The following VTI1A variants were observed in gnomAD, a reference collection of about 807,000 sequenced individuals.
VTI1A encodes the protein vesicle transport through interaction with t-SNAREs homolog 1A.
Under a neutral mutation model 34.9 loss-of-function variants are expected in VTI1A, and 22 were observed. The observed-to-expected ratio is 0.63, with a 90% CI of 0.45 to 0.90. The LOEUF (loss-of-function observed/expected upper bound fraction) is 0.90. Among genes scored for constraint, VTI1A ranks in the 40% least tolerant of loss-of-function variants. The probability of loss-of-function intolerance (pLI) is 0.00; values close to 1 mark genes in which losing one functional copy is unlikely to be tolerated. For missense variants in VTI1A, 268 were observed against 275.6 expected (o/e 0.97, Z 0.20); for synonymous variants, 87 against 97.3 (o/e 0.89, Z 0.62).
At chr10:112,555,057 G>C (rs1377287549) in intron 5 of VTI1A, among the ~76,000 whole-genome samples, 1 of 152,000 alleles carries the variant, frequency 6.6e-6, no homozygotes, top group Non-Finnish European at 1.5e-5. Context: ...AAAAACAAGA[G>C]TGTATTATGA....
chr10:112,538,191 A>T, intron 4 of VTI1A, 55 bp from the exon 5 acceptor site: 1 of 1,542,614 alleles, frequency 6.5e-7, no homozygotes, highest in East Asian at 2.3e-5. Context: ...TAAGGCAAAA[A>T]AAAGAACATT....
chr10:112,647,591 T>C (rs1227440019), intron 5 of VTI1A, among the ~76,000 whole-genome samples: 1 of 152,200 alleles, frequency 6.6e-6, no homozygotes, highest in African/African-American at 2.4e-5. Context: ...AAGTCAACTA[T>C]GATATGTGTG....
At chr10:112,832,241 G>A in the VTI1A span, 5 of 152,168 alleles carry the variant, frequency 3.3e-5, no homozygotes, top group Admixed American at 2.6e-4. Flanking sequence ...AGCCTTGCAC[G>A]CTGGTAGGTC....
At chr10:112,776,811 G>C (rs1294638956) in intron 7 of VTI1A, among the ~76,000 whole-genome samples, 1 of 151,620 alleles carries the variant, frequency 6.6e-6, no homozygotes, top group East Asian at 1.9e-4. Flanking sequence ...CCGAGTAGCT[G>C]GGACTACAAG....
intron 5 of VTI1A, among the ~76,000 whole-genome samples, chr10:112,560,691 G>T (rs1359486368): frequency 6.6e-6 from 1 of 151,262 alleles, no homozygotes; most frequent in South Asian, 2.1e-4. Flanking sequence ...CTGCCTCCCG[G>T]GTTCAAGTGA....
chr10:112,675,890 T>A (rs1484096304), intron 7 of VTI1A, among the ~76,000 whole-genome samples: 1 of 152,152 alleles, frequency 6.6e-6, no homozygotes, highest in Non-Finnish European at 1.5e-5. Context: ...ATCTCACCTC[T>A]CCGTACCTCA....
chr10:112,778,331 GGA>G (rs1852013138), intron 7 of VTI1A, among the ~76,000 whole-genome samples: 1 of 152,162 alleles, frequency 6.6e-6, no homozygotes, highest in Non-Finnish European at 1.5e-5. Context: ...GAGCACTGGT[GGA>G]AGTTCTTCTG....
the VTI1A span, among the ~76,000 whole-genome samples, chr10:112,830,838 TATATA>T: frequency 1.0e-4 from 5 of 49,620 alleles, no homozygotes; most frequent in South Asian, 2.9e-3. Context: ...TATATATATA[TATATA>T]TATATATTTT....
At chr10:112,839,283 C>A in the VTI1A span, among the ~76,000 whole-genome samples, 1 of 152,162 alleles carries the variant, frequency 6.6e-6, no homozygotes, top group Non-Finnish European at 1.5e-5. Context: ...GAGCCCTTGT[C>A]ATTTCCCATT....
intron 7 of VTI1A, among the ~76,000 whole-genome samples, chr10:112,714,682 A>G (rs1425429749): frequency 6.6e-6 from 1 of 152,236 alleles, no homozygotes. Context: ...TTTAAAGTTG[A>G]CATGAAGAAA....
At chr10:112,545,950 G>GTGTGTGTATATACGTGTATACACGTA (rs1851069245) in intron 5 of VTI1A, among the ~76,000 whole-genome samples, 1 of 148,932 alleles carries the variant, frequency 6.7e-6, no homozygotes, top group East Asian at 2.0e-4. Flanking sequence ...GCATGTATAT[G>GTGTGTGTATATACGTGTATACACGTA]TGTGTGTGTA....
At chr10:112,538,418 A>G in intron 5 of VTI1A, 88 bp downstream of exon 5, 1 of 1,165,144 alleles carries the variant, frequency 8.6e-7, no homozygotes, top group Non-Finnish European at 1.3e-6. Context: ...TCAAAGGAGT[A>G]GCAGAGACAG....
chr10:112,632,144 G>C (rs1265921702), intron 5 of VTI1A, among the ~76,000 whole-genome samples: 1 of 152,068 alleles, frequency 6.6e-6, no homozygotes, highest in Non-Finnish European at 1.5e-5. Context: ...GGGCATTTTG[G>C]TTATCTCAGT....
At chr10:112,780,125 A>AAG (rs1852073944) in intron 7 of VTI1A, among the ~76,000 whole-genome samples, 1 of 150,810 alleles carries the variant, frequency 6.6e-6, no homozygotes, top group Non-Finnish European at 1.5e-5. Flanking sequence ...AAAAAAAAAA[A>AAG]AAAAAAGCAA....
intron 7 of VTI1A, among the ~76,000 whole-genome samples, chr10:112,738,183 T>C (rs899163923): frequency 1.3e-5 from 2 of 152,192 alleles, no homozygotes; most frequent in East Asian, 1.9e-4. Flanking sequence ...ATTTGGGCCA[T>C]ATGTAAAGTG....
chr10:112,847,524 G>A, the VTI1A span, among the ~76,000 whole-genome samples: 1 of 152,188 alleles, frequency 6.6e-6, no homozygotes, highest in Non-Finnish European at 1.5e-5. Flanking sequence ...CCCATCAGGA[G>A]CAAGGAGGGT....
intron 5 of VTI1A, among the ~76,000 whole-genome samples, chr10:112,566,947 TAAAAAGA>T (rs1392607450): frequency 6.6e-6 from 1 of 152,174 alleles, no homozygotes. Flanking sequence ...AGATTTTCAT[TAAAAAGA>T]AAATCATATT....
intron 5 of VTI1A, among the ~76,000 whole-genome samples, chr10:112,583,055 G>A (rs572454884): frequency 3.9e-4 from 60 of 152,156 alleles, no homozygotes; most frequent in Non-Finnish European, 7.2e-4. Context: ...GTGGTTTCAT[G>A]TTTCATGTCT....
intron 7 of VTI1A, among the ~76,000 whole-genome samples, chr10:112,772,653 AG>A (rs1851846587): frequency 6.6e-6 from 1 of 152,220 alleles, no homozygotes; most frequent in Admixed American, 6.5e-5. Context: ...TTATCTTCTA[AG>A]GGAATTATAA....
Sources: allele counts gnomAD v4.1 joint callset (sites outside exome capture counted in the v4.1 genomes callset), GRCh38; gene constraint gnomAD v4.1.1; transcripts MANE v1.5; gene names NCBI Gene and HGNC (gene_info 2026-07-23, HGNC 2026-07-21).